The following CECR2 variants were observed in gnomAD, a reference collection of about 807,000 sequenced individuals.
CECR2 encodes chromatin remodeling regulator CECR2.
Under a neutral mutation model 154.5 loss-of-function variants are expected in CECR2, and 30 were observed. The observed-to-expected ratio is 0.19, with a 90% CI of 0.15 to 0.26. The LOEUF (loss-of-function observed/expected upper bound fraction) is 0.26, where lower values mean the gene tolerates loss of function less well. Ranked by LOEUF, CECR2 falls within the 10% of genes least tolerant of loss-of-function variation. The probability of loss-of-function intolerance (pLI) is 1.00; values close to 1 mark genes in which losing one functional copy is unlikely to be tolerated. For missense variants in CECR2, 1,743 were observed against 1,829.3 expected, an observed-to-expected ratio of 0.95 and a Z score of 0.86; for synonymous variants, 725 against 683.7, an observed-to-expected ratio of 1.06 and a Z score of -0.94.
In CECR2 at chr22:17,552,856, A is replaced by G; in HGVS notation, c.*16A>G. 1 of 1,538,808 alleles carries G rather than the reference A, an allele frequency of 6.5e-7. No homozygotes were observed. ...TCAGAGCTAGTCCAAGGAGGAAATG[A>G]GCCCCAAGCAATGGAAAGCTGCACA... is the stretch of plus-strand genomic sequence containing the variant. On this transcript the variant is annotated 3_prime_UTR_variant, in exon 19 of 19. Coordinates refer to ENST00000262608, the MANE Select transcript of CECR2 (RefSeq NM_001290047.2).
intron 1 of CECR2, among the ~76,000 whole-genome samples, chr22:17,454,291 C>G (rs1351306402): frequency 6.8e-6 from 1 of 147,200 alleles, no homozygotes; most frequent in South Asian, 2.2e-4. Context: ...AGAGTGAGAC[C>G]CTGTCACAAA....
intron 1 of CECR2, among the ~76,000 whole-genome samples, chr22:17,431,310 T>C (rs1409994877): frequency 6.6e-6 from 1 of 152,234 alleles, no homozygotes; most frequent in African/African-American, 2.4e-5. Flanking sequence ...TATTTGGTTT[T>C]GAGCTATTTC....
chr22:17,364,527 AG>A (rs889288180), upstream of CECR2, among the ~76,000 whole-genome samples: 3 of 151,940 alleles, frequency 2.0e-5, no homozygotes, highest in Non-Finnish European at 4.4e-5. Flanking sequence ...AATAGAAGAG[AG>A]AGGCAGCGCA....
intron 1 of CECR2, among the ~76,000 whole-genome samples, chr22:17,471,817 G>A (rs1212813939): frequency 1.3e-5 from 2 of 152,102 alleles, no homozygotes; most frequent in African/African-American, 4.8e-5. Flanking sequence ...TTACAGGTGT[G>A]AGCCACCACG....
intron 1 of CECR2, among the ~76,000 whole-genome samples, chr22:17,465,864 C>CT: frequency 6.6e-6 from 1 of 152,064 alleles, no homozygotes; most frequent in African/African-American, 2.4e-5. Context: ...AGCAATCCAC[C>CT]TACCTCGTCC....
intron 1 of CECR2, among the ~76,000 whole-genome samples, chr22:17,425,032 A>G (rs1220524705): frequency 6.6e-6 from 1 of 152,340 alleles, no homozygotes; most frequent in Non-Finnish European, 1.5e-5. Flanking sequence ...TACAGTGTCT[A>G]TTCTTGAAGC....
At chr22:17,487,055 G>A (rs754102883) in intron 2 of CECR2, among the ~76,000 whole-genome samples, 6 of 152,196 alleles carry the variant, frequency 3.9e-5, no homozygotes, top group Non-Finnish European at 8.8e-5. Flanking sequence ...GCTCGATGGT[G>A]AAATGTGGAT....
chr22:17,535,529 G>A (rs2056425137), intron 9 of CECR2, among the ~76,000 whole-genome samples: 1 of 152,008 alleles, frequency 6.6e-6, no homozygotes. Context: ...CTGGAATCAA[G>A]GAGAATAATG....
chr22:17,547,564 G>A (rs779446868), intron 16 of CECR2, among the ~76,000 whole-genome samples: 1 of 152,164 alleles, frequency 6.6e-6, no homozygotes, highest in Non-Finnish European at 1.5e-5. Flanking sequence ...TGTTGTAGGC[G>A]TCTTGTCTTC....
chr22:17,360,851 CAAACA>C (rs1341201954), intron 1 of CECR2, among the ~76,000 whole-genome samples: 7 of 128,160 alleles, frequency 5.5e-5, no homozygotes. Context: ...CTCAAACAAA[CAAACA>C]AACAAACAAA....
intron 1 of CECR2, among the ~76,000 whole-genome samples, chr22:17,396,362 T>A (rs2053811165): frequency 1.3e-5 from 2 of 152,014 alleles, no homozygotes; most frequent in South Asian, 4.1e-4. Flanking sequence ...CTGGCCAATG[T>A]GGCAAAACCC....
At position 17,503,034 on chromosome 22, in the gene CECR2, T is replaced by G. The variant is rs575285491; in HGVS notation, c.651-48T>G. 7 of 1,576,300 alleles carry G rather than the reference T, an allele frequency of 4.4e-6. No homozygotes were observed. The African/African-American group carries it at 6.7e-5, about 15-fold the overall frequency. On this transcript the variant is annotated intron_variant, in intron 5 of 18. Coordinates refer to ENST00000262608, the MANE Select transcript of CECR2 (RefSeq NM_001290047.2). The stretch of plus-strand genomic sequence containing the variant: ...CATCCTGGGGTGGCACAGAACAATT[T>G]TGGACCTGTCTTTGTTTTAATTGGC...
At chr22:17,447,033 C>CTGGTTTTTTTTTTTT (rs1339121774) in intron 1 of CECR2, among the ~76,000 whole-genome samples, 25 of 114,100 alleles carry the variant, frequency 2.2e-4, no homozygotes, top group African/African-American at 9.0e-4. Flanking sequence ...CGTTTACAAT[C>CTGGTTTTTTTTTTTT]TTTTTTTTTT....
intron 1 of CECR2, among the ~76,000 whole-genome samples, chr22:17,420,792 C>T (rs1403234775): frequency 6.6e-6 from 1 of 152,064 alleles, no homozygotes; most frequent in Non-Finnish European, 1.5e-5. Flanking sequence ...TAATGTTTAT[C>T]CGTATGCATT....
At chr22:17,539,801 C>T (rs188140419) in intron 13 of CECR2, among the ~76,000 whole-genome samples, 246 of 152,226 alleles carry the variant, frequency 1.6e-3, no homozygotes, top group Non-Finnish European at 2.8e-3. Context: ...GCAGTTTAGC[C>T]TTAAAGAATT....
chr22:17,430,197 A>G (rs1416968961), intron 1 of CECR2, among the ~76,000 whole-genome samples: 3 of 152,178 alleles, frequency 2.0e-5, no homozygotes, highest in Non-Finnish European at 4.4e-5. Context: ...TACTTCTTTC[A>G]TAGGTCAGGC....
At chr22:17,507,411 C>T (rs1448354204) in intron 7 of CECR2, among the ~76,000 whole-genome samples, 1 of 152,184 alleles carries the variant, frequency 6.6e-6, no homozygotes, top group East Asian at 1.9e-4. Flanking sequence ...ATCTAATTTT[C>T]TTAAAGTAAC....
chr22:17,420,216 A>G (rs1013584213), intron 1 of CECR2, among the ~76,000 whole-genome samples: 21 of 152,204 alleles, frequency 1.4e-4, no homozygotes, highest in Non-Finnish European at 7.3e-5. Flanking sequence ...TTCAGGCAGC[A>G]TAAGTAATCT....
At chr22:17,426,798 TTCTC>T (rs1471044618) in intron 1 of CECR2, among the ~76,000 whole-genome samples, 1 of 152,216 alleles carries the variant, frequency 6.6e-6, no homozygotes, top group African/African-American at 2.4e-5. Flanking sequence ...ATGTCTTCGG[TTCTC>T]TCTGTGTCCT....
Sources: allele counts gnomAD v4.1 joint callset (sites outside exome capture counted in the v4.1 genomes callset), GRCh38; gene constraint gnomAD v4.1.1; transcripts MANE v1.5; gene names NCBI Gene and HGNC (gene_info 2026-07-23, HGNC 2026-07-21).